IGSF21: variants seen among roughly 807,000 people sequenced by gnomAD.
IGSF21 encodes the protein immunoglobin superfamily member 21.
A neutral mutation model predicts 46.8 loss-of-function variants in IGSF21; 28 were observed. The observed-to-expected ratio is 0.60, with a 90% confidence interval of 0.44 to 0.82. IGSF21 has a LOEUF of 0.82. IGSF21 is among the 40% of genes least tolerant of loss of function. The probability of loss-of-function intolerance (pLI) is 0.00; values close to 1 mark genes in which losing one functional copy is unlikely to be tolerated. For synonymous variants in IGSF21, 284 were observed against 273.6 expected (o/e 1.04, Z -0.38); for missense variants, 624 against 665.5 (o/e 0.94, Z 0.69).
intron 3 of IGSF21, among the ~76,000 whole-genome samples, chr1:18,302,858 C>T (rs1220705868): frequency 6.6e-6 from 1 of 152,148 alleles, no homozygotes; most frequent in African/African-American, 2.4e-5. Flanking sequence ...CTGTTGCATC[C>T]ACAGCTGCCA....
chr1:18,219,732 A>G (rs749406614), intron 1 of IGSF21, among the ~76,000 whole-genome samples: 1 of 152,134 alleles, frequency 6.6e-6, no homozygotes, highest in Non-Finnish European at 1.5e-5. Context: ...TGGTGCCTGG[A>G]GACAACCAAG....
At chr1:18,119,554 G>A (rs1256514213) in intron 1 of IGSF21, among the ~76,000 whole-genome samples, 4 of 152,232 alleles carry the variant, frequency 2.6e-5, no homozygotes, top group Admixed American at 6.5e-5. Context: ...CAGGAAGAAA[G>A]TAACAAGGAA....
At chr1:18,295,530 G>A (rs2085304199) in intron 3 of IGSF21, among the ~76,000 whole-genome samples, 1 of 152,234 alleles carries the variant, frequency 6.6e-6, no homozygotes, top group African/African-American at 2.4e-5. Context: ...GTACCGGGAA[G>A]GAATGAGATG....
intron 6 of IGSF21, among the ~76,000 whole-genome samples, chr1:18,373,303 C>A (rs78785422): frequency 6.6e-6 from 1 of 152,016 alleles, no homozygotes; most frequent in Non-Finnish European, 1.5e-5. Context: ...CAGGAAAGTC[C>A]GGAGACTAAG....
chr1:18,204,826 C>T (rs1337279882), intron 1 of IGSF21, among the ~76,000 whole-genome samples: 1 of 152,196 alleles, frequency 6.6e-6, no homozygotes, highest in Non-Finnish European at 1.5e-5. Context: ...GTTGACCTTT[C>T]AGGGCTACAT....
At chr1:18,221,719 G>A (rs960596983) in intron 1 of IGSF21, among the ~76,000 whole-genome samples, 1 of 152,254 alleles carries the variant, frequency 6.6e-6, no homozygotes, top group Non-Finnish European at 1.5e-5. Context: ...TCCACTTCTC[G>A]ATACCGCGCT....
At chr1:18,245,960 C>T (rs2084779452) in intron 2 of IGSF21, among the ~76,000 whole-genome samples, 1 of 152,302 alleles carries the variant, frequency 6.6e-6, no homozygotes, top group African/African-American at 2.4e-5. Flanking sequence ...GAAGGGGAAA[C>T]CAAAGCTTGG....
Position 18,291,846 on chromosome 1 carries a change from A to G in IGSF21, c.184-20A>G. The G allele has an allele frequency of 6.2e-7, 1 of 1,612,684 alleles. No individual in the cohort carries two copies. The highest frequency in any genetic ancestry group is 1.1e-5 in the South Asian group (1 of 90,788). ...GCCGGTTGAGCACTCACGTGTGGCT[A>G]TCTCTGTGCTCTGTGGCAGGTGACG... is the stretch of plus-strand genomic sequence containing the variant. On this transcript the variant is annotated intron_variant, in intron 2 of 9. Transcript: ENST00000251296.
intron 2 of IGSF21, among the ~76,000 whole-genome samples, chr1:18,260,995 C>T (rs1406671380): frequency 6.6e-6 from 1 of 152,188 alleles, no homozygotes; most frequent in Non-Finnish European, 1.5e-5. Flanking sequence ...GGGGGGACAT[C>T]GCTTTGCCTC....
chr1:18,140,040 C>T (rs974261354), intron 1 of IGSF21, among the ~76,000 whole-genome samples: 1 of 152,176 alleles, frequency 6.6e-6, no homozygotes, highest in South Asian at 2.1e-4. Flanking sequence ...TCAACCTCCC[C>T]AGCTCAAACA....
chr1:18,355,357 A>G (rs2086004519), intron 4 of IGSF21, among the ~76,000 whole-genome samples: 1 of 152,226 alleles, frequency 6.6e-6, no homozygotes, highest in Non-Finnish European at 1.5e-5. Flanking sequence ...TCTGCTTTCA[A>G]GATAAAGACA....
At chr1:18,315,501 G>A (rs2085531655) in intron 3 of IGSF21, among the ~76,000 whole-genome samples, 1 of 152,146 alleles carries the variant, frequency 6.6e-6, no homozygotes, top group African/African-American at 2.4e-5. Flanking sequence ...CCATTGAGTG[G>A]CACATGCTAG....
chr1:18,294,298 T>A (rs914814500), intron 3 of IGSF21, among the ~76,000 whole-genome samples: 1 of 152,188 alleles, frequency 6.6e-6, no homozygotes, highest in African/African-American at 2.4e-5. Context: ...AAGTGGTACA[T>A]GTTTGCTGCC....
chr1:18,265,861 A>G (rs746240835), intron 2 of IGSF21, among the ~76,000 whole-genome samples: 21 of 152,198 alleles, frequency 1.4e-4, no homozygotes, highest in Non-Finnish European at 1.8e-4. Context: ...GGTGCAGCCA[A>G]TGGGCTCTGT....
At chr1:18,251,920 C>T (rs1171063059) in intron 2 of IGSF21, among the ~76,000 whole-genome samples, 2 of 151,822 alleles carry the variant, frequency 1.3e-5, no homozygotes, top group African/African-American at 2.4e-5. Context: ...CACAATAGCT[C>T]TTATTTTAAT....
At chr1:18,242,096 G>A (rs1018259639) in intron 2 of IGSF21, among the ~76,000 whole-genome samples, 10 of 151,740 alleles carry the variant, frequency 6.6e-5, no homozygotes, top group South Asian at 2.1e-4. Context: ...GTAGTGCTGC[G>A]GCACAGATCC....
At chr1:18,315,102 G>A (rs1328674018) in intron 3 of IGSF21, among the ~76,000 whole-genome samples, 1 of 152,164 alleles carries the variant, frequency 6.6e-6, no homozygotes, top group Non-Finnish European at 1.5e-5. Context: ...GAAGGGAGGA[G>A]AGTGTGGCGA....
chr1:18,183,085 T>C (rs1458552856), intron 1 of IGSF21, among the ~76,000 whole-genome samples: 2 of 152,172 alleles, frequency 1.3e-5, no homozygotes, highest in Non-Finnish European at 2.9e-5. Context: ...CTTTTTCTAA[T>C]AGAGTGACCT....
intron 1 of IGSF21, among the ~76,000 whole-genome samples, chr1:18,225,085 T>TCTCTCTCTCTCACACA: frequency 3.9e-4 from 20 of 51,588 alleles, no homozygotes; most frequent in East Asian, 3.3e-3. Context: ...TCTCTCTCTC[T>TCTCTCTCTCTCACACA]CACACACACA....
Sources: allele counts gnomAD v4.1 joint callset (sites outside exome capture counted in the v4.1 genomes callset), GRCh38; gene constraint gnomAD v4.1.1; transcripts MANE v1.5; gene names NCBI Gene and HGNC (gene_info 2026-07-23, HGNC 2026-07-21).